Variants in FNDC3B observed in about 807,000 individuals in gnomAD.
FNDC3B encodes the protein fibronectin type III domain-containing protein 3B.
Under a neutral mutation model 151.5 loss-of-function variants are expected in FNDC3B, and 12 were observed. The observed-to-expected ratio is 0.08, with a 90% CI of 0.05 to 0.13. The LOEUF (loss-of-function observed/expected upper bound fraction) is 0.13. Among genes scored for constraint, FNDC3B ranks in the 10% least tolerant of loss-of-function variants. FNDC3B has a pLI of 1.00. For missense variants in FNDC3B, 1,214 were observed against 1,505.3 expected (o/e 0.81, Z 3.20); for synonymous variants, 528 against 549.0 (o/e 0.96, Z 0.54).
chr3:172,157,794 T>C (rs557342431), intron 3 of FNDC3B, among the ~76,000 whole-genome samples: 1 of 152,356 alleles, frequency 6.6e-6, no homozygotes, highest in East Asian at 1.9e-4. Flanking sequence ...CATTTGATAG[T>C]TCTGGCTTTG....
chr3:172,174,967 C>T (rs1321060784), intron 3 of FNDC3B, among the ~76,000 whole-genome samples: 2 of 125,142 alleles, frequency 1.6e-5, no homozygotes, highest in African/African-American at 5.9e-5. Flanking sequence ...GCTGTCCATC[C>T]GGTCCCATGT....
chr3:172,151,997 A>T (rs1481686619), intron 3 of FNDC3B, among the ~76,000 whole-genome samples: 1 of 152,192 alleles, frequency 6.6e-6, no homozygotes, highest in Non-Finnish European at 1.5e-5. Context: ...GGTGATATCC[A>T]CTTGTGGATA....
chr3:172,383,775 C>T (rs924971851), intron 25 of FNDC3B, among the ~76,000 whole-genome samples: 1 of 152,174 alleles, frequency 6.6e-6, no homozygotes, highest in Admixed American at 6.5e-5. Context: ...CTTGTTGATT[C>T]TTAATTCTTC....
chr3:172,175,185 A>G (rs994450188), intron 3 of FNDC3B, among the ~76,000 whole-genome samples: 3 of 151,974 alleles, frequency 2.0e-5, no homozygotes, highest in Non-Finnish European at 4.4e-5. Flanking sequence ...GTAATAGAGA[A>G]GCTAGTTGAT....
chr3:172,041,413 CCTTCCT>C (rs1716055268), intron 1 of FNDC3B, among the ~76,000 whole-genome samples: 2 of 16,534 alleles, frequency 1.2e-4, no homozygotes, highest in African/African-American at 3.8e-4. Context: ...CCTTCTCTCT[CCTTCCT>C]TCCTTCCTTC....
At chr3:172,160,019 G>C (rs146529497) in intron 3 of FNDC3B, among the ~76,000 whole-genome samples, 272 of 152,304 alleles carry the variant, frequency 1.8e-3, no homozygotes, top group Middle Eastern at 0.01. Context: ...CTGGGAAGGT[G>C]GGGGAGGCCG....
chr3:172,109,428 A>C (rs186433321), intron 1 of FNDC3B, among the ~76,000 whole-genome samples: 1 of 143,276 alleles, frequency 7.0e-6, no homozygotes, highest in African/African-American at 2.6e-5. Flanking sequence ...GGCCTCCCAA[A>C]GTGCTGGGAT....
chr3:172,074,372 G>C (rs1717910927), intron 1 of FNDC3B, among the ~76,000 whole-genome samples: 1 of 152,214 alleles, frequency 6.6e-6, no homozygotes, highest in Admixed American at 6.5e-5. Context: ...CAGATACATA[G>C]AGCAGCCATG....
At chr3:172,197,642 G>A (rs925430327) in intron 3 of FNDC3B, among the ~76,000 whole-genome samples, 1 of 152,224 alleles carries the variant, frequency 6.6e-6, no homozygotes, top group Non-Finnish European at 1.5e-5. Flanking sequence ...CAATAATGCA[G>A]TCTTTTTCAG....
intron 4 of FNDC3B, among the ~76,000 whole-genome samples, chr3:172,228,425 T>A (rs551562127): frequency 2.6e-5 from 4 of 152,316 alleles, no homozygotes; most frequent in African/African-American, 9.6e-5. Flanking sequence ...ATTTAAGAAA[T>A]ACCAGTTAAA....
intron 15 of FNDC3B, among the ~76,000 whole-genome samples, chr3:172,336,523 A>G (rs1371098873): frequency 6.6e-6 from 1 of 152,242 alleles, no homozygotes; most frequent in Non-Finnish European, 1.5e-5. Flanking sequence ...GGAAACTGCT[A>G]GAATGGACGT....
At chr3:172,184,726 A>G (rs1724084196) in intron 3 of FNDC3B, among the ~76,000 whole-genome samples, 1 of 152,186 alleles carries the variant, frequency 6.6e-6, no homozygotes, top group African/African-American at 2.4e-5. Context: ...ATTATTCCTG[A>G]GTTTCAACAC....
intron 3 of FNDC3B, among the ~76,000 whole-genome samples, chr3:172,143,233 A>G (rs935545534): frequency 3.9e-5 from 6 of 152,020 alleles, no homozygotes; most frequent in Non-Finnish European, 8.8e-5. Context: ...AGTTATTTTC[A>G]CTCTTAGTTC....
At chr3:172,350,048 C>T (rs549994349) in intron 21 of FNDC3B, among the ~76,000 whole-genome samples, 1 of 152,144 alleles carries the variant, frequency 6.6e-6, no homozygotes, top group East Asian at 1.9e-4. Flanking sequence ...ACAGAAATTT[C>T]TCTGTACTAT....
chr3:172,385,076 T>TC (rs1262693251), intron 25 of FNDC3B, among the ~76,000 whole-genome samples: 1 of 152,196 alleles, frequency 6.6e-6, no homozygotes, highest in Non-Finnish European at 1.5e-5. Context: ...TGGTTTCTTT[T>TC]TTTTTTTTCT....
chr3:172,065,915 A>G (rs1367408555), intron 1 of FNDC3B, among the ~76,000 whole-genome samples: 3 of 152,090 alleles, frequency 2.0e-5, no homozygotes, highest in Non-Finnish European at 4.4e-5. Flanking sequence ...TAATATTTGG[A>G]ATACTGTTGT....
At chr3:172,269,850 T>C (rs1729109191) in intron 6 of FNDC3B, among the ~76,000 whole-genome samples, 3 of 152,114 alleles carry the variant, frequency 2.0e-5, no homozygotes, top group Admixed American at 2.0e-4. Flanking sequence ...GGTTTCACAG[T>C]GTTAGCCAGG....
intron 1 of FNDC3B, among the ~76,000 whole-genome samples, chr3:172,061,167 A>T (rs185240185): frequency 1.3e-5 from 2 of 151,322 alleles, no homozygotes; most frequent in African/African-American, 2.4e-5. Context: ...TGAATAATGG[A>T]TGCTTATTCT....
intron 9 of FNDC3B, among the ~76,000 whole-genome samples, 156 bp downstream of exon 9, chr3:172,298,943 G>A (rs1057015128): frequency 1.6e-4 from 24 of 152,198 alleles, no homozygotes; most frequent in African/African-American, 4.8e-4. Flanking sequence ...CAAGAGCATC[G>A]TAACTGGGAA....
Sources: allele counts gnomAD v4.1 joint callset (sites outside exome capture counted in the v4.1 genomes callset), GRCh38; gene constraint gnomAD v4.1.1; transcripts MANE v1.5; gene names NCBI Gene and HGNC (gene_info 2026-07-23, HGNC 2026-07-21).